Variants in DAPK1 observed in about 807,000 individuals in gnomAD.
The protein encoded by DAPK1 is death-associated protein kinase 1.
Under a neutral mutation model 144.9 loss-of-function variants are expected in DAPK1, and 56 were observed. The observed-to-expected ratio is 0.39, with a 90% CI of 0.31 to 0.48. The LOEUF is 0.48. DAPK1 is among the 20% of genes least tolerant of loss of function. DAPK1 has a pLI of 0.95. For missense variants in DAPK1, 1,454 were observed against 1,875.4 expected, an observed-to-expected ratio of 0.78 and a Z score of 4.15; for synonymous variants, 690 against 749.0, an observed-to-expected ratio of 0.92 and a Z score of 1.29.
At chr9:87,520,932 T>G (rs966514242) in intron 2 of DAPK1, among the ~76,000 whole-genome samples, 1 of 152,252 alleles carries the variant, frequency 6.6e-6, no homozygotes, top group Admixed American at 6.5e-5. Context: ...CAATGTAGGC[T>G]CACAGAATGC....
intron 2 of DAPK1, among the ~76,000 whole-genome samples, chr9:87,563,974 GGCGCCATTTTGGATAT>G (rs1827024807): frequency 1.3e-5 from 2 of 152,184 alleles, no homozygotes; most frequent in African/African-American, 2.4e-5. Context: ...CATAGTTTTT[GGCGCCATTTTGGATAT>G]GTTCTTTATT....
In DAPK1 at chr9:87,583,666, C is replaced by T. The variant is rs116464694; in HGVS notation, c.63-21288C>T. Among the ~76,000 whole-genome samples the T allele has an allele frequency of 2.7e-3, 418 of 152,232 alleles. 2 individuals carry two copies. Among genetic ancestry groups the T allele is most frequent in the African/African-American group, 9.7e-3 (402 of 41,568 alleles). ...CCCCACCGTGGAGTTCCTTGACCTCCTCATTTCCAGCCACCTTCTCCTCTA... is the reference window on the plus strand; with the variant it reads ...CCCCACCGTGGAGTTCCTTGACCTCTTCATTTCCAGCCACCTTCTCCTCTA... On this transcript the variant is annotated intron_variant, in intron 2 of 25. Coordinates refer to ENST00000408954, the MANE Select transcript of DAPK1 (RefSeq NM_004938.4).
At chr9:87,652,955 C>CA (rs1830506528) in intron 17 of DAPK1, among the ~76,000 whole-genome samples, 1 of 137,856 alleles carries the variant, frequency 7.3e-6, no homozygotes, top group African/African-American at 2.6e-5. Context: ...ATTCTGTGTC[C>CA]TCCCACCTGA....
chr9:87,627,264 TC>T (rs1348153731), intron 3 of DAPK1, among the ~76,000 whole-genome samples: 1 of 152,158 alleles, frequency 6.6e-6, no homozygotes, highest in African/African-American at 2.4e-5. Flanking sequence ...TGGCCTCAGG[TC>T]CCCTTGACCC....
chr9:87,522,892 G>A (rs932172369), intron 2 of DAPK1, among the ~76,000 whole-genome samples: 1 of 152,152 alleles, frequency 6.6e-6, no homozygotes, highest in Admixed American at 6.5e-5. Context: ...ATTTGTCTCT[G>A]CTTTGAACTT....
chr9:87,518,762 C>G (rs576153828), intron 2 of DAPK1, among the ~76,000 whole-genome samples: 1 of 152,196 alleles, frequency 6.6e-6, no homozygotes, highest in African/African-American at 2.4e-5. Context: ...ATATCAGTGT[C>G]TACACAGCTA....
chr9:87,642,803 TAGAG>T (rs148053576), intron 10 of DAPK1, among the ~76,000 whole-genome samples: 2,320 of 152,296 alleles, frequency 0.015, 61 homozygotes, highest in African/African-American at 0.053. Flanking sequence ...AGGCTTAAAA[TAGAG>T]AGAGAGCAAC....
chr9:87,538,243 A>G (rs1171396965), intron 2 of DAPK1, among the ~76,000 whole-genome samples: 4 of 152,164 alleles, frequency 2.6e-5, no homozygotes, highest in African/African-American at 9.7e-5. Context: ...CTTGGAGTCC[A>G]TTTATTCTTA....
At position 87,500,395 on chromosome 9, in the gene DAPK1, G is replaced by C. The variant is rs143593767; in HGVS notation, c.62+1256G>C. 1.9e-3 allele frequency among the ~76,000 whole-genome samples: 292 copies of C among 152,202 alleles called. 1 individual carries two copies. The highest frequency in any genetic ancestry group is 6.6e-3 in the African/African-American group (275 of 41,524). On this transcript the variant is annotated intron_variant, in intron 2 of 25. Coordinates refer to ENST00000408954, the MANE Select transcript of DAPK1 (RefSeq NM_004938.4). ...TAAGATTAAAGTTTAAGAGTGTGTG[G>C]GTGAAATATTTGGTTTAACTGGAAT...
At chr9:87,599,769 C>G (rs2118928933) in intron 2 of DAPK1, among the ~76,000 whole-genome samples, 1 of 152,314 alleles carries the variant, frequency 6.6e-6, no homozygotes, top group Non-Finnish European at 1.5e-5. Flanking sequence ...GAGTTATTCT[C>G]TAGAAATTCA....
chr9:87,692,588 T>G (rs192263680), intron 21 of DAPK1, among the ~76,000 whole-genome samples: 77 of 152,330 alleles, frequency 5.1e-4, no homozygotes, highest in Non-Finnish European at 9.1e-4. Flanking sequence ...TTGGTGGCTT[T>G]CTGTAGTTGT....
intron 3 of DAPK1, among the ~76,000 whole-genome samples, chr9:87,610,985 A>C (rs371223412): frequency 6.8e-6 from 1 of 147,034 alleles, no homozygotes; most frequent in Non-Finnish European, 1.5e-5. Context: ...TACTTTATCT[A>C]GCACATACTT....
rs1261679768 is a variant in DAPK1 at position 87,646,370 on chromosome 9, G to T, written c.1132-91G>T. 9 of 927,622 alleles carry T rather than the reference G, an allele frequency of 9.7e-6. No individual in the cohort carries two copies. In the Admixed American group the frequency reaches 1.7e-4, roughly 17 times the overall value. 57.5% of individuals were successfully genotyped at this position (927,622 alleles called of 1,614,324 possible). A position where few individuals can be genotyped will look rare whatever the true frequency, so the allele number is the denominator to read the frequency against. On this transcript the variant is annotated intron_variant, in intron 12 of 25. Transcript: ENST00000408954. ...TGGTAGCTCTATGTCTGTTGAGACA[G>T]GGGAAGGTGTGTGGTAACAGCAATC...
intron 2 of DAPK1, among the ~76,000 whole-genome samples, chr9:87,604,144 G>A (rs944406218): frequency 1.3e-5 from 2 of 152,070 alleles, no homozygotes; most frequent in Non-Finnish European, 2.9e-5. Flanking sequence ...TCTCCTCATG[G>A]TCCCAAGACA....
intron 2 of DAPK1, among the ~76,000 whole-genome samples, chr9:87,513,029 A>G (rs1824909232): frequency 6.6e-6 from 1 of 152,248 alleles, no homozygotes; most frequent in East Asian, 1.9e-4. Flanking sequence ...AAGTAACATA[A>G]CACTGACAAA....
At chr9:87,688,656 G>A (rs981339842) in intron 21 of DAPK1, among the ~76,000 whole-genome samples, 3 of 151,966 alleles carry the variant, frequency 2.0e-5, no homozygotes, top group African/African-American at 7.3e-5. Flanking sequence ...TCTCATTGTG[G>A]TTTTGATTTG....
chr9:87,512,815 AT>A (rs1254292079), intron 2 of DAPK1, among the ~76,000 whole-genome samples: 1 of 151,894 alleles, frequency 6.6e-6, no homozygotes, highest in Admixed American at 6.6e-5. Context: ...TAATTTTTGT[AT>A]TTTTAGTAGA....
At position 87,497,965 on chromosome 9, in the gene DAPK1, G is replaced by A. The variant is rs36228007; in HGVS notation, c.-251G>A. ...GCAACTCGCAGCGGCAGGGTCTGGG[G>A]CCGGCGCCTGGGAGGGATCTGCGCC... is the stretch of plus-strand genomic sequence containing the variant. On this transcript the variant is annotated 5_prime_UTR_variant, in exon 1 of 26. Transcript: ENST00000408954. 544 of 396,958 alleles carry A rather than the reference G, an allele frequency of 1.4e-3. 3 individuals are homozygous for A. Among genetic ancestry groups the A allele is most frequent in the African/African-American group, 9.8e-3 (477 of 48,686 alleles). 24.6% of individuals were successfully genotyped at this position (396,958 alleles called of 1,614,324 possible).
At chr9:87,625,051 T>G (rs914956727) in intron 3 of DAPK1, among the ~76,000 whole-genome samples, 2 of 152,198 alleles carry the variant, frequency 1.3e-5, no homozygotes, top group Admixed American at 6.5e-5. Context: ...ATGAAAATGT[T>G]TTTACATTTT....
Sources: allele counts gnomAD v4.1 joint callset (sites outside exome capture counted in the v4.1 genomes callset), GRCh38; gene constraint gnomAD v4.1.1; transcripts MANE v1.5; gene names NCBI Gene and HGNC (gene_info 2026-07-23, HGNC 2026-07-21).